RSBN1L: variants seen among roughly 807,000 people sequenced by gnomAD.
The protein encoded by RSBN1L is round spermatid basic protein 1 like.
A neutral mutation model predicts 67.7 loss-of-function variants in RSBN1L; 30 were observed. That is an observed-to-expected ratio of 0.44 (90% CI 0.33 to 0.60). RSBN1L has a LOEUF of 0.60. Among genes scored for constraint, RSBN1L ranks in the 20% least tolerant of loss-of-function variants. The probability of loss-of-function intolerance (pLI) is 0.02; values close to 1 mark genes in which losing one functional copy is unlikely to be tolerated. For synonymous variants in RSBN1L, 433 were observed against 387.0 expected (o/e 1.12, Z -1.39); for missense variants, 992 against 1,031.7 (o/e 0.96, Z 0.53).
chr7:77,742,838 AAACAAC>A (rs908752168), intron 2 of RSBN1L, among the ~76,000 whole-genome samples: 28 of 152,230 alleles, frequency 1.8e-4, no homozygotes, highest in African/African-American at 6.5e-4. Context: ...ACCCTGTCTT[AAACAAC>A]AACAACAACA....
At chr7:77,713,087 A>G (rs1371249720) in intron 1 of RSBN1L, among the ~76,000 whole-genome samples, 2 of 152,168 alleles carry the variant, frequency 1.3e-5, no homozygotes, top group Non-Finnish European at 2.9e-5. Flanking sequence ...AATGATTAAG[A>G]TTAAACATTT....
In RSBN1L at chr7:77,778,266, T is replaced by C; in HGVS notation, c.1794-72T>C. The stretch of plus-strand genomic sequence containing the variant: ...GGTATTGACCATAAAGTATTTTTGC[T>C]TTGAGTTTAATAAGGACTCAAAAGA... On this transcript the variant is annotated intron_variant, in intron 6 of 7. Transcript: ENST00000334955. The C allele has an allele frequency of 1.9e-6, 2 of 1,034,764 alleles. 1 individual carries two copies. Among genetic ancestry groups the C allele is most frequent in the South Asian group, 3.1e-5 (2 of 65,110 alleles). The allele number at this position is 1,034,764 out of a possible 1,614,324, so 64.1% of individuals were successfully genotyped here.
chr7:77,700,659 G>A (rs1345031211), intron 1 of RSBN1L, among the ~76,000 whole-genome samples: 2 of 152,116 alleles, frequency 1.3e-5, no homozygotes, highest in African/African-American at 4.8e-5. Flanking sequence ...CTAAATATTT[G>A]TCTCTGCTGA....
rs1351458038 is a variant in RSBN1L, at chr7:77,749,673, C to G, written c.953C>G (p.Pro318Arg). 1 of 1,613,974 alleles carries G rather than the reference C, an allele frequency of 6.2e-7. No homozygotes were observed. Among genetic ancestry groups the G allele is most frequent in the East Asian group, 2.2e-5 (1 of 44,888 alleles). ...ACCAAGAACTATGATTCCAAAATTC[C>G]AGAGAACAGTGAGTTTCCATTTGTC... ...LDTKNYDSKI[P>R]ENSEFPFVSL... Residue 318 changes from proline to arginine, a missense_variant, in exon 3 of 8, where the codon CCA (proline) becomes CGA (arginine). Physicochemically the swap from Pro to Arg is moderately radical, Grantham distance 103 (BLOSUM62 -2). Around this residue, in one of 7 missense-constraint regions of RSBN1L, gnomAD observed 575 missense variants for 483.2 expected, o/e 1.19. Coordinates refer to ENST00000334955, the MANE Select transcript of RSBN1L (RefSeq NM_198467.3).
rs1268430391 is a variant in RSBN1L, at chr7:77,779,544, T to G, written c.*376T>G. ...TTCCATAGAGCTTATTTATATCCTTTTTTTTCATTTTAAATGTGTCAGCAC... is the reference window on the plus strand; with the variant it reads ...TTCCATAGAGCTTATTTATATCCTTGTTTTTCATTTTAAATGTGTCAGCAC... On this transcript the variant is annotated 3_prime_UTR_variant, in exon 8 of 8. Coordinates refer to ENST00000334955, the MANE Select transcript of RSBN1L (RefSeq NM_198467.3). 6.6e-6 allele frequency: 1 copy of G among 150,806 alleles called. No individual in the cohort carries two copies. The highest frequency in any genetic ancestry group is 1.5e-5 in the Non-Finnish European group (1 of 67,682). The allele number at this position is 150,806 out of a possible 1,614,324, so 9.3% of individuals were successfully genotyped here. A position where few individuals can be genotyped will look rare whatever the true frequency, so the allele number is the denominator to read the frequency against.
chr7:77,708,376 G>A lies in RSBN1L; in HGVS notation c.586+11321G>A, dbSNP rs1035340310. 2.1e-5 allele frequency among the ~76,000 whole-genome samples: 3 copies of A among 140,166 alleles called. No individual in the cohort carries two copies. The East Asian group carries it at 5.9e-4, about 28-fold the overall frequency. The allele number at this position is 140,166 out of a possible 152,430, so 92.0% of individuals were successfully genotyped here. A position where few individuals can be genotyped will look rare whatever the true frequency, so the allele number is the denominator to read the frequency against. On this transcript the variant is annotated intron_variant, in intron 1 of 7. Transcript: ENST00000334955. ...CCACAGTGTGCCTTCCTTTTGCCAGGATGAGACTATTTTTTTTTTTTTTTG... is the reference window on the plus strand; with the variant it reads ...CCACAGTGTGCCTTCCTTTTGCCAGAATGAGACTATTTTTTTTTTTTTTTG...
intron 2 of RSBN1L, among the ~76,000 whole-genome samples, chr7:77,746,391 T>C (rs990872527): frequency 9.2e-5 from 14 of 152,094 alleles, no homozygotes; most frequent in African/African-American, 2.9e-4. Flanking sequence ...CAACCAGATG[T>C]CACTCACAAT....
rs531540182 is a variant in RSBN1L at position 77,779,116 on chromosome 7, A to G, written c.2489A>G (p.His830Arg). The G allele has an allele frequency of 8.1e-6, 13 of 1,606,812 alleles. No individual in the cohort carries two copies. In the South Asian group the frequency reaches 1.3e-4, roughly 17 times the overall value. Reference protein sequence around the residue: ...GNLSLVDTRQHSSAHSNQDKK... With the variant: ...GNLSLVDTRQRSSAHSNQDKK... ...CTAAGTCTAGTTGATACAAGGCAAC[A>G]CAGTTCAGCACATTCAAATCAAGAT... is the stretch of plus-strand genomic sequence containing the variant. The change falls in exon 8 of 8, where the codon CAC becomes CGC. Residue 830 changes from histidine (H) to arginine (R), a missense_variant. Around this residue, in one of 7 missense-constraint regions of RSBN1L, gnomAD observed 199 missense variants for 167.7 expected, o/e 1.19. Transcript: ENST00000334955.
rs1222921797 is a variant in RSBN1L at position 77,736,422 on chromosome 7, A to T, written c.599A>T (p.Asp200Val). Residue 200 changes from aspartate (D) to valine (V), a missense_variant, in exon 2 of 8, where the codon GAC becomes GTC. Around this residue, in one of 7 missense-constraint regions of RSBN1L, gnomAD observed 575 missense variants for 483.2 expected, o/e 1.19. Transcript: ENST00000334955. ...TTTTGTCTTCCAGATAAAATCAAAGACAAAATTAAAGAGAGAGACAAAGAA... is the reference window on the plus strand; with the variant it reads ...TTTTGTCTTCCAGATAAAATCAAAGTCAAAATTAAAGAGAGAGACAAAGAA... ...VKPLPRDKIK[D>V]KIKERDKEKE... 1 of 1,076,784 alleles carries T rather than the reference A, an allele frequency of 9.3e-7. No individual in the cohort carries two copies. The allele number at this position is 1,076,784 out of a possible 1,614,324, so 66.7% of individuals were successfully genotyped here.
chr7:77,720,484 G>A lies in RSBN1L; in HGVS notation c.587-15926G>A, dbSNP rs149577483. On this transcript the variant is annotated intron_variant, in intron 1 of 7. Transcript: ENST00000334955. The stretch of plus-strand genomic sequence containing the variant: ...CTGAGGCAGAGAATCGCTTGAACCC[G>A]GGAGGCAGAGGTTGCGGTGAGCTGA... Among the ~76,000 whole-genome samples the A allele has an allele frequency of 6.7e-3, 1,025 of 152,160 alleles. 12 individuals are homozygous for A. The highest frequency in any genetic ancestry group is 0.024 in the African/African-American group (984 of 41,514).
intron 4 of RSBN1L, among the ~76,000 whole-genome samples, chr7:77,767,244 C>G (rs1487120421): frequency 6.6e-6 from 1 of 151,530 alleles, no homozygotes; most frequent in Non-Finnish European, 1.5e-5. Context: ...TGCATTGTTT[C>G]TAAAGAAATT....
intron 1 of RSBN1L, among the ~76,000 whole-genome samples, chr7:77,721,659 T>G (rs1791121599): frequency 6.6e-6 from 1 of 152,194 alleles, no homozygotes; most frequent in African/African-American, 2.4e-5. Flanking sequence ...GAGTAAGACA[T>G]TTGAGTAATG....
intron 3 of RSBN1L, among the ~76,000 whole-genome samples, chr7:77,757,317 T>G (rs1791632983): frequency 6.6e-6 from 1 of 152,236 alleles, no homozygotes; most frequent in African/African-American, 2.4e-5. Flanking sequence ...AATTCTGTTT[T>G]CCATCTTCAT....
intron 1 of RSBN1L, 120 bp downstream of exon 1, chr7:77,697,175 G>T (rs958787747): frequency 2.7e-6 from 3 of 1,121,710 alleles, no homozygotes; most frequent in Non-Finnish European, 3.4e-6. Context: ...GAGGGGCTGG[G>T]AGGCGTCCGG....
At chr7:77,707,516 A>G (rs754586720) in intron 1 of RSBN1L, among the ~76,000 whole-genome samples, 3 of 152,300 alleles carry the variant, frequency 2.0e-5, no homozygotes, top group Non-Finnish European at 2.9e-5. Flanking sequence ...ATAGAAGAGT[A>G]TATATTTCCT....
At chr7:77,770,063 CATACATTCTTATTGAA>C (rs1036831709) in intron 5 of RSBN1L, among the ~76,000 whole-genome samples, 1 of 152,170 alleles carries the variant, frequency 6.6e-6, no homozygotes, top group African/African-American at 2.4e-5. Context: ...GAATAGATTT[CATACATTCTTATTGAA>C]GAGTATAGTT....
intron 6 of RSBN1L, 115 bp downstream of exon 6, chr7:77,773,429 A>T (rs10953349): frequency 3.0e-6 from 2 of 663,436 alleles, no homozygotes; most frequent in Non-Finnish European, 4.7e-6. Flanking sequence ...TTTTACCCGT[A>T]TTTGGATATC....
rs768691176 is a variant in RSBN1L at position 77,773,130 on chromosome 7, C to CT, written c.1626-10dup. 4.3e-5 allele frequency: 64 copies of CT among 1,485,370 alleles called. No individual in the cohort carries two copies. In the Admixed American group the frequency reaches 9.9e-4, roughly 23 times the overall value. The allele number at this position is 1,485,370 out of a possible 1,614,324, so 92.0% of individuals were successfully genotyped here. A position where few individuals can be genotyped will look rare whatever the true frequency, so the allele number is the denominator to read the frequency against. On this transcript the variant is annotated splice_polypyrimidine_tract_variant and intron_variant, in intron 5 of 7. Transcript: ENST00000334955. ...AGTGTCACTATATAAATGTAATTTT[C>CT]TTTTTTTAAAAAACAGAACTACCAA...
At chr7:77,766,710 A>G (rs926730792) in intron 4 of RSBN1L, among the ~76,000 whole-genome samples, 6 of 152,052 alleles carry the variant, frequency 3.9e-5, no homozygotes, top group African/African-American at 1.2e-4. Context: ...ATGTGACAAG[A>G]TTTCTGATAC....
Sources: allele counts gnomAD v4.1 joint callset (sites outside exome capture counted in the v4.1 genomes callset), GRCh38; gene constraint gnomAD v4.1.1; regional missense constraint gnomAD v4.1.1; transcripts MANE v1.5; gene names NCBI Gene and HGNC (gene_info 2026-07-23, HGNC 2026-07-21).